STAU2: variants seen among roughly 807,000 people sequenced by gnomAD.
The protein encoded by STAU2 is staufen double-stranded RNA binding protein 2.
STAU2 carries 20 observed loss-of-function variants against 65.9 expected under a neutral mutation model. The observed-to-expected ratio is 0.30, with a 90% CI of 0.21 to 0.44. The LOEUF (loss-of-function observed/expected upper bound fraction) is 0.44, where lower values mean the gene tolerates loss of function less well. Among genes scored for constraint, STAU2 ranks in the 20% least tolerant of loss-of-function variants. STAU2 has a pLI of 1.00. For missense variants in STAU2, 558 were observed against 683.9 expected (o/e 0.82, Z 2.05); for synonymous variants, 232 against 233.9 (o/e 0.99, Z 0.07).
rs1391531704 is a variant in STAU2 at position 73,615,794 on chromosome 8, A to G, written c.571-12T>C. 3.2e-6 allele frequency: 5 copies of G among 1,572,058 alleles called. No homozygotes were observed. Among genetic ancestry groups the G allele is most frequent in the Non-Finnish European group, 4.4e-6 (5 of 1,143,676 alleles). ...CCTGATTCACCATTCTAAATCACAA[A>G]AAATAGGATAACACTGAATCTTGAC... On this transcript the variant is annotated splice_polypyrimidine_tract_variant and intron_variant, in intron 7 of 14. Coordinates refer to ENST00000524300, the MANE Select transcript of STAU2 (RefSeq NM_001164380.2).
At chr8:73,497,219 C>A (rs1442797687) in intron 13 of STAU2, among the ~76,000 whole-genome samples, 1 of 151,648 alleles carries the variant, frequency 6.6e-6, no homozygotes, top group Non-Finnish European at 1.5e-5. Flanking sequence ...ATTGCCAAGT[C>A]CCCATTTCAC....
intron 13 of STAU2, among the ~76,000 whole-genome samples, chr8:73,460,254 A>C (rs531978589): frequency 2.6e-4 from 40 of 152,330 alleles, no homozygotes; most frequent in African/African-American, 8.7e-4. Flanking sequence ...AACTAGAAGA[A>C]AATGGGGGCA....
intron 6 of STAU2, among the ~76,000 whole-genome samples, chr8:73,654,931 C>T (rs1004822057): frequency 1.9e-4 from 29 of 152,110 alleles, no homozygotes; most frequent in African/African-American, 6.5e-4. Flanking sequence ...GTGATCTGCC[C>T]GTCTCGGCCT....
intron 12 of STAU2, among the ~76,000 whole-genome samples, chr8:73,576,465 T>C (rs982523559): frequency 6.6e-6 from 1 of 151,604 alleles, no homozygotes; most frequent in Non-Finnish European, 1.5e-5. Context: ...TTGATGAAAT[T>C]ATGAGGAATA....
intron 13 of STAU2, among the ~76,000 whole-genome samples, chr8:73,431,361 T>TA (rs1342475587): frequency 6.6e-6 from 1 of 152,136 alleles, no homozygotes; most frequent in Non-Finnish European, 1.5e-5. Flanking sequence ...TCCAGGATTT[T>TA]AAAAAAAGAA....
At chr8:73,582,731 T>G in intron 12 of STAU2, 39 bp downstream of exon 12, 1 of 1,601,924 alleles carries the variant, frequency 6.2e-7, no homozygotes, top group African/African-American at 1.3e-5. Context: ...GAGCCACTGA[T>G]GAACACCAAG....
chr8:73,747,274 G>T, upstream of STAU2: 1 of 1,286,848 alleles, frequency 7.8e-7, no homozygotes. Flanking sequence ...GTCTGCCAAG[G>T]GTGGGCCTGG....
chr8:73,496,626 G>C (rs1462188761), intron 13 of STAU2, among the ~76,000 whole-genome samples: 1 of 151,566 alleles, frequency 6.6e-6, no homozygotes, highest in Non-Finnish European at 1.5e-5. Flanking sequence ...AATTTTTGTA[G>C]CCACATCTAA....
At chr8:73,565,405 C>A (rs1456597449) in intron 12 of STAU2, among the ~76,000 whole-genome samples, 1 of 152,138 alleles carries the variant, frequency 6.6e-6, no homozygotes, top group African/African-American at 2.4e-5. Context: ...AAATCCTGAA[C>A]AGCCTGCAGA....
intron 12 of STAU2, among the ~76,000 whole-genome samples, chr8:73,570,715 C>A (rs1809011154): frequency 6.6e-6 from 1 of 152,106 alleles, no homozygotes; most frequent in Non-Finnish European, 1.5e-5. Flanking sequence ...GTCATGTTAC[C>A]CATAAAGGGA....
chr8:73,717,788 A>C (rs1440898922), intron 3 of STAU2, among the ~76,000 whole-genome samples: 1 of 138,492 alleles, frequency 7.2e-6, no homozygotes, highest in Non-Finnish European at 1.6e-5. Context: ...ACGCCAAACT[A>C]TTTTACAGCT....
intron 12 of STAU2, among the ~76,000 whole-genome samples, chr8:73,576,142 C>T (rs1809531260): frequency 6.6e-6 from 1 of 152,006 alleles, no homozygotes; most frequent in Non-Finnish European, 1.5e-5. Flanking sequence ...ATATTATATT[C>T]CACTCCCAGA....
chr8:73,697,024 A>G (rs530735787), intron 4 of STAU2, among the ~76,000 whole-genome samples: 1 of 151,478 alleles, frequency 6.6e-6, no homozygotes, highest in Admixed American at 6.6e-5. Context: ...GAGCTCCAAT[A>G]CAACTGGCAG....
At position 73,503,415 on chromosome 8, in the gene STAU2, C is replaced by T. The variant is rs1280489436; in HGVS notation, c.1530+48597G>A. Among the ~76,000 whole-genome samples, 4 of 152,224 alleles carry T rather than the reference C, an allele frequency of 2.6e-5. No homozygotes were observed. In the East Asian group the frequency reaches 5.8e-4, roughly 22 times the overall value. On this transcript the variant is annotated intron_variant, in intron 13 of 14. Transcript: ENST00000524300. ...TTGGGAGTTCTATCATCTACATAAA[C>T]TGAGAAGCCGGGAATGGAAGAATTA...
At chr8:73,551,306 T>C (rs1222532982) in intron 13 of STAU2, 2 of 987,348 alleles carry the variant, frequency 2.0e-6, no homozygotes, top group Admixed American at 6.1e-5. Flanking sequence ...TAAATTCACA[T>C]ACACAACAAG....
chr8:73,487,051 T>A (rs1820954534), intron 13 of STAU2, among the ~76,000 whole-genome samples: 1 of 152,078 alleles, frequency 6.6e-6, no homozygotes, highest in Admixed American at 6.6e-5. Context: ...AAAACTTCCC[T>A]TTCTCACTGG....
intron 5 of STAU2, among the ~76,000 whole-genome samples, chr8:73,675,966 G>C (rs547364115): frequency 6.6e-6 from 1 of 152,236 alleles, no homozygotes; most frequent in South Asian, 2.1e-4. Flanking sequence ...CTTATTCCCA[G>C]ATGGTTCAGA....
chr8:73,558,354 A>G (rs1240246911), intron 12 of STAU2, among the ~76,000 whole-genome samples: 1 of 152,234 alleles, frequency 6.6e-6, no homozygotes, highest in Admixed American at 6.5e-5. Context: ...TAAAGTTGCC[A>G]GGGACTGTGA....
At chr8:73,592,411 T>G (rs1161181052) in intron 11 of STAU2, among the ~76,000 whole-genome samples, 1 of 152,048 alleles carries the variant, frequency 6.6e-6, no homozygotes, top group Non-Finnish European at 1.5e-5. Flanking sequence ...AACTAATTCT[T>G]TGAAAGACTA....
Sources: gnomAD v4.1 joint callset for allele counts (sites outside exome capture counted in the v4.1 genomes callset) on GRCh38, gnomAD v4.1.1 for gene constraint, MANE v1.5 for transcripts, NCBI Gene and HGNC (gene_info 2026-07-23, HGNC 2026-07-21) for gene names.